PLEKHG7: variants seen among roughly 807,000 people sequenced by gnomAD.
The protein encoded by PLEKHG7 is pleckstrin homology and RhoGEF domain containing G7.
Under a neutral mutation model 85.2 loss-of-function variants are expected in PLEKHG7, and 77 were observed. The ratio of observed to expected loss-of-function variants is 0.90; its 90% CI spans 0.75 to 1.09. The LOEUF (loss-of-function observed/expected upper bound fraction) is 1.09, where lower values mean the gene tolerates loss of function less well. Among genes scored for constraint, PLEKHG7 ranks in the 50% least tolerant of loss-of-function variants. The probability of loss-of-function intolerance (pLI) is 0.00; values close to 1 mark genes in which losing one functional copy is unlikely to be tolerated. For missense variants in PLEKHG7, 777 were observed against 804.3 expected (o/e 0.97, Z 0.41); for synonymous variants, 301 against 302.4 (o/e 1.00, Z 0.05).
intron 7 of PLEKHG7, among the ~76,000 whole-genome samples, chr12:92,739,512 C>G (rs890542261): frequency 6.6e-6 from 1 of 152,210 alleles, no homozygotes; most frequent in East Asian, 1.9e-4. Flanking sequence ...CTGCACAGAA[C>G]TTTCTATCCC....
At chr12:92,736,652 A>T (rs1412649447) in intron 6 of PLEKHG7, 75 bp downstream of exon 6, 2 of 929,154 alleles carry the variant, frequency 2.2e-6, no homozygotes, top group Non-Finnish European at 2.8e-6. Context: ...AGGTCGGGTC[A>T]GTATTTTAAG....
chr12:92,757,513 G>A (rs1417509404), intron 13 of PLEKHG7, among the ~76,000 whole-genome samples: 1 of 152,140 alleles, frequency 6.6e-6, no homozygotes, highest in African/African-American at 2.4e-5. Context: ...TGGATGTCAG[G>A]TTAGGACATA....
chr12:92,752,695 C>T (rs1318546753), intron 10 of PLEKHG7, among the ~76,000 whole-genome samples: 7 of 152,282 alleles, frequency 4.6e-5, no homozygotes, highest in Middle Eastern at 6.8e-3. Flanking sequence ...AATGAGGCAA[C>T]AGCCTGCAGC....
rs547790638 is a variant in PLEKHG7 at position 92,741,368 on chromosome 12, T to C, written c.1036-123T>C. 2.0e-5 allele frequency: 10 copies of C among 497,418 alleles called. No homozygotes were observed. The South Asian group carries it at 4.5e-4, about 22-fold the overall frequency. The allele number at this position is 497,418 out of a possible 1,614,324, so 30.8% of individuals were successfully genotyped here. On this transcript the variant is annotated intron_variant, in intron 8 of 16. Coordinates refer to ENST00000344636, the MANE Select transcript of PLEKHG7 (RefSeq NM_001377329.1). Reference sequence around the variant, plus strand: ...AGAGTGGAGGAAATAAATCTTTGAATTTTTCTAGGAGATATATTTGAAATG... The same window carrying C: ...AGAGTGGAGGAAATAAATCTTTGAACTTTTCTAGGAGATATATTTGAAATG...
At position 92,706,729 on chromosome 12, in the gene PLEKHG7, G is replaced by C. The variant is rs908274052; in HGVS notation, c.98G>C (p.Ser33Thr). The change falls in exon 2 of 17, where the codon AGT becomes ACT. Residue 33 changes from serine (S) to threonine (T), a missense_variant. Coordinates refer to ENST00000344636, the MANE Select transcript of PLEKHG7 (RefSeq NM_001377329.1). ...SLRSLPKNQG[S>T]LLQFDRQAPG... ...AGGAGCCTGCCAAAGAACCAGGGGAGTCTCCTCCAGTTTGACCGGCAAGCC... is the reference window on the plus strand; with the variant it reads ...AGGAGCCTGCCAAAGAACCAGGGGACTCTCCTCCAGTTTGACCGGCAAGCC... 3 of 1,613,968 alleles carry C rather than the reference G, an allele frequency of 1.9e-6. No homozygotes were observed. In the African/African-American group the frequency reaches 4.0e-5, roughly 22 times the overall value.
chr12:92,725,446 A>T (rs1283997424), intron 3 of PLEKHG7, among the ~76,000 whole-genome samples: 2 of 152,172 alleles, frequency 1.3e-5, no homozygotes, highest in African/African-American at 4.8e-5. Context: ...TATAGGATGG[A>T]ATCAAGGAGA....
At chr12:92,741,726 C>T (rs1235704433) in intron 9 of PLEKHG7, 134 bp downstream of exon 9, 7 of 491,866 alleles carry the variant, frequency 1.4e-5, no homozygotes, top group Non-Finnish European at 2.4e-5. Context: ...GGAACTGTCC[C>T]TTTCTCTGCC....
chr12:92,727,958 G>GTA (rs1189985611), intron 3 of PLEKHG7, among the ~76,000 whole-genome samples: 6 of 135,316 alleles, frequency 4.4e-5, no homozygotes, highest in African/African-American at 1.4e-4. Context: ...GTGTGTGTGT[G>GTA]TGTGTATATA....
intron 3 of PLEKHG7, among the ~76,000 whole-genome samples, chr12:92,726,867 T>C (rs1360633723): frequency 1.3e-5 from 2 of 152,196 alleles, no homozygotes; most frequent in Non-Finnish European, 2.9e-5. Flanking sequence ...AAAATAAAAG[T>C]AGCTGACTTT....
At chr12:92,732,964 A>G (rs765771727) in intron 5 of PLEKHG7, among the ~76,000 whole-genome samples, 22 of 152,128 alleles carry the variant, frequency 1.4e-4, no homozygotes, top group Admixed American at 1.1e-3. Context: ...CTTACACACC[A>G]CGACCAGCAG....
chr12:92,704,968 A>G (rs560558233), intron 1 of PLEKHG7, among the ~76,000 whole-genome samples: 68 of 152,360 alleles, frequency 4.5e-4, no homozygotes, highest in African/African-American at 1.6e-3. Context: ...CATTGTCATG[A>G]CAATGTCATA....
chr12:92,741,608 G>C lies in PLEKHG7; in HGVS notation c.1137+16G>C, dbSNP rs774726336. ...GCTCACAAAGGTAAACTCCTTCTGG[G>C]AGACCTCAGCTTCATGTAGTAAAAT... On this transcript the variant is annotated intron_variant, in intron 9 of 16. Coordinates refer to ENST00000344636, the MANE Select transcript of PLEKHG7 (RefSeq NM_001377329.1). 1.6e-5 allele frequency: 25 copies of C among 1,592,328 alleles called. No individual in the cohort carries two copies. Among genetic ancestry groups the C allele is most frequent in the African/African-American group, 1.3e-5 (1 of 74,342 alleles).
intron 3 of PLEKHG7, among the ~76,000 whole-genome samples, chr12:92,727,359 C>A (rs1178222753): frequency 1.3e-5 from 2 of 152,110 alleles, no homozygotes; most frequent in East Asian, 1.9e-4. Context: ...TACCCATAAC[C>A]CAAATATTGA....
chr12:92,707,008 CCCGG>C lies in PLEKHG7; in HGVS notation c.380_383del (p.Arg127ProfsTer61). ...GCAGCTGACTCACTGGAGCCCCAAA[CCCGG>C]CCCACTGACAAGTATCTCCCTCCTG... On this transcript the variant is annotated frameshift_variant, in exon 2 of 17. Coordinates refer to ENST00000344636, the MANE Select transcript of PLEKHG7 (RefSeq NM_001377329.1). LOFTEE classifies it high-confidence loss of function. The C allele has an allele frequency of 6.2e-7, 1 of 1,614,096 alleles. No individual in the cohort carries two copies. The highest frequency in any genetic ancestry group is 1.6e-4 in the Middle Eastern group (1 of 6,062).
intron 5 of PLEKHG7, among the ~76,000 whole-genome samples, chr12:92,734,994 T>C (rs1363281906): frequency 6.6e-6 from 1 of 152,186 alleles, no homozygotes; most frequent in East Asian, 1.9e-4. Context: ...AGAGTTAATG[T>C]GACCACTGGG....
intron 3 of PLEKHG7, among the ~76,000 whole-genome samples, chr12:92,720,507 A>G (rs1042554038): frequency 2.0e-5 from 3 of 152,010 alleles, no homozygotes; most frequent in Admixed American, 1.3e-4. Flanking sequence ...TTGTATTTTT[A>G]GTAGAGACAG....
chr12:92,711,449 T>C (rs1413429420), intron 3 of PLEKHG7, among the ~76,000 whole-genome samples: 1 of 152,112 alleles, frequency 6.6e-6, no homozygotes, highest in Admixed American at 6.5e-5. Flanking sequence ...CAATCACATA[T>C]ATACCACTTC....
intron 10 of PLEKHG7, among the ~76,000 whole-genome samples, chr12:92,750,455 G>A (rs1872660483): frequency 6.6e-6 from 1 of 152,082 alleles, no homozygotes. Context: ...ATTTACCACG[G>A]ATGCTTCTTG....
At chr12:92,728,090 A>C (rs1264395388) in intron 3 of PLEKHG7, among the ~76,000 whole-genome samples, 15 of 4,746 alleles carry the variant, frequency 3.2e-3, no homozygotes, top group African/African-American at 0.012. Flanking sequence ...TGTATATATA[A>C]ATATATATAC....
Sources: gnomAD v4.1 joint callset for allele counts (sites outside exome capture counted in the v4.1 genomes callset) on GRCh38, gnomAD v4.1.1 for gene constraint, MANE v1.5 for transcripts, NCBI Gene and HGNC (gene_info 2026-07-23, HGNC 2026-07-21) for gene names.